The following KLB variants were observed in gnomAD, a reference collection of about 807,000 sequenced individuals.
The protein encoded by KLB is beta-klotho.
In KLB, 44 loss-of-function variants were observed where a neutral mutation model predicts 88.4. The ratio of observed to expected loss-of-function variants is 0.50; its 90% confidence interval spans 0.39 to 0.64. The LOEUF is 0.64. Ranked by LOEUF, KLB falls within the 30% of genes least tolerant of loss-of-function variation. KLB has a pLI of 0.00. For missense variants in KLB, 1,137 were observed against 1,304.8 expected (o/e 0.87, Z 1.98); for synonymous variants, 548 against 513.4 (o/e 1.07, Z -0.91).
intron 1 of KLB, among the ~76,000 whole-genome samples, chr4:39,408,176 G>C (rs2109815753): frequency 6.6e-6 from 1 of 152,214 alleles, no homozygotes; most frequent in East Asian, 1.9e-4. Flanking sequence ...GTTAAGTATA[G>C]CTAACTTAGC....
In KLB at chr4:39,446,412, C is replaced by T; in HGVS notation, c.1686C>T (p.His562=). 5 of 1,614,096 alleles carry T rather than the reference C, an allele frequency of 3.1e-6. No individual in the cohort carries two copies. The highest frequency in any genetic ancestry group is 3.4e-6 in the Non-Finnish European group (4 of 1,180,002). Residue 562 remains histidine, a synonymous_variant, in exon 4 of 5, where the codon CAC becomes CAT. Transcript: ENST00000257408. This position sits in a 1 kb window ranked among gnomAD's most constrained non-coding sequence, Gnocchi z 6.4. ...ACGCCACTGGCAACAGACTGTTGCA[C>T]CGAGTGGAAGGGGTGAGGCTGAAAA... ...VWNATGNRLL[H]RVEGVRLKTR... is the part of the protein sequence containing the mutation.
intron 1 of KLB, among the ~76,000 whole-genome samples, chr4:39,428,979 G>A (rs757867987): frequency 6.6e-6 from 1 of 152,240 alleles, no homozygotes; most frequent in Non-Finnish European, 1.5e-5. Context: ...AAAGTGCTGG[G>A]ATTACAGGCA....
At chr4:39,428,990 T>C (rs1263682654) in intron 1 of KLB, among the ~76,000 whole-genome samples, 1 of 152,220 alleles carries the variant, frequency 6.6e-6, no homozygotes, top group African/African-American at 2.4e-5. Flanking sequence ...ATTACAGGCA[T>C]GAGCCATGGC....
At chr4:39,419,842 G>C (rs1021961596) in intron 1 of KLB, among the ~76,000 whole-genome samples, 4 of 149,484 alleles carry the variant, frequency 2.7e-5, no homozygotes, top group Non-Finnish European at 3.0e-5. Context: ...TGCTTAGGGG[G>C]CTAAAGCAGG....
intron 1 of KLB, among the ~76,000 whole-genome samples, chr4:39,418,001 C>T (rs1743000576): frequency 6.6e-6 from 1 of 152,160 alleles, no homozygotes; most frequent in African/African-American, 2.4e-5. Flanking sequence ...GCTTCAAAAC[C>T]CATGTCCATC....
intron 1 of KLB, among the ~76,000 whole-genome samples, chr4:39,414,361 T>C (rs529512198): frequency 6.6e-6 from 1 of 151,952 alleles, no homozygotes; most frequent in South Asian, 2.1e-4. Context: ...TATTTAATCA[T>C]CAACATGATT....
rs1742841952 is a variant in KLB, at chr4:39,411,357, T to TG, written c.825+3584dup. 2.2e-4 allele frequency among the ~76,000 whole-genome samples: 27 copies of TG among 120,136 alleles called. No homozygotes were observed. In the South Asian group the frequency reaches 7.1e-3, roughly 31 times the overall value. The allele number at this position is 120,136 out of a possible 152,430, so 78.8% of individuals were successfully genotyped here. A position where few individuals can be genotyped will look rare whatever the true frequency, so the allele number is the denominator to read the frequency against. On this transcript the variant is annotated intron_variant, in intron 1 of 4. Transcript: ENST00000257408. ...TTTTGATTTTTTTTTTTTTTTTTTT[T>TG]GAGACGGAGTCTTGCTCTGTCGCCC...
chr4:39,442,241 C>CAAA (rs547196892), intron 3 of KLB, among the ~76,000 whole-genome samples: 4 of 138,842 alleles, frequency 2.9e-5, no homozygotes, highest in African/African-American at 1.0e-4. Flanking sequence ...GACCCTGTCT[C>CAAA]AAAAAAAAAA....
intron 2 of KLB, among the ~76,000 whole-genome samples, chr4:39,436,702 TTC>T (rs1251522483): frequency 6.6e-6 from 1 of 151,036 alleles, no homozygotes; most frequent in Non-Finnish European, 1.5e-5. Context: ...TGATTTTCTT[TTC>T]TCTTTTTTGT....
At chr4:39,431,088 TGTA>T (rs1233017303) in intron 1 of KLB, among the ~76,000 whole-genome samples, 9 of 94,222 alleles carry the variant, frequency 9.6e-5, no homozygotes, top group Non-Finnish European at 1.9e-4. Flanking sequence ...GGCTAATTTT[TGTA>T]TTTTTTTTTT....
chr4:39,417,243 C>T (rs1742984655), intron 1 of KLB, among the ~76,000 whole-genome samples: 1 of 151,848 alleles, frequency 6.6e-6, no homozygotes, highest in Non-Finnish European at 1.5e-5. Context: ...TTAAAACAAA[C>T]AACAAAACCT....
chr4:39,434,692 GAAGA>G lies in KLB; in HGVS notation c.1310_1313del (p.Lys437IlefsTer10). 2 of 1,613,330 alleles carry G rather than the reference GAAGA, an allele frequency of 1.2e-6. No individual in the cohort carries two copies. The highest frequency in any genetic ancestry group is 2.2e-5 in the South Asian group (2 of 90,878). On this transcript the variant is annotated frameshift_variant, in exon 2 of 5. Transcript: ENST00000257408. LOFTEE classifies it high-confidence loss of function. ...AAGACACCACGGCCATCTACATGATGAAGAATTTCCTCAGCCAGGTGCTTCAAGG... is the reference window on the plus strand; with the variant it reads ...AAGACACCACGGCCATCTACATGATGATTTCCTCAGCCAGGTGCTTCAAGG...
intron 4 of KLB, 30 bp downstream of exon 4, chr4:39,447,505 C>T: frequency 6.7e-7 from 1 of 1,496,932 alleles, no homozygotes; most frequent in Non-Finnish European, 8.9e-7. Flanking sequence ...AGACACAGGG[C>T]AGAGCGAGAT....
At chr4:39,413,273 T>A (rs1351627833) in intron 1 of KLB, among the ~76,000 whole-genome samples, 2 of 152,214 alleles carry the variant, frequency 1.3e-5, no homozygotes, top group Admixed American at 1.3e-4. Flanking sequence ...TATTTTTAAA[T>A]CAATAAATAC....
intron 3 of KLB, among the ~76,000 whole-genome samples, chr4:39,444,539 G>A (rs915320186): frequency 6.6e-5 from 10 of 152,140 alleles, no homozygotes; most frequent in Admixed American, 5.9e-4. Context: ...TGGGAGCTGG[G>A]GTTGGGATTG....
At chr4:39,411,606 G>A (rs777693900) in intron 1 of KLB, among the ~76,000 whole-genome samples, 98 of 150,874 alleles carry the variant, frequency 6.5e-4, no homozygotes, top group Admixed American at 1.3e-3. Flanking sequence ...TGCAACCTCC[G>A]CCTCCCGGAT....
chr4:39,447,716 C>T (rs1743790573), intron 4 of KLB, among the ~76,000 whole-genome samples: 1 of 152,122 alleles, frequency 6.6e-6, no homozygotes, highest in African/African-American at 2.4e-5. Flanking sequence ...AAAAAATCAC[C>T]TGAAATCTCA....
chr4:39,420,475 A>G (rs1364990765), intron 1 of KLB, among the ~76,000 whole-genome samples: 1 of 152,130 alleles, frequency 6.6e-6, no homozygotes, highest in Non-Finnish European at 1.5e-5. Flanking sequence ...CTGAAGAGTG[A>G]TAGCATAGAA....
intron 1 of KLB, among the ~76,000 whole-genome samples, chr4:39,428,488 A>G (rs1429347176): frequency 6.6e-6 from 1 of 152,154 alleles, no homozygotes; most frequent in Non-Finnish European, 1.5e-5. Context: ...CATTAATGAA[A>G]GGCAATGATT....
Sources: gnomAD v4.1 joint callset for allele counts (sites outside exome capture counted in the v4.1 genomes callset) on GRCh38, gnomAD v4.1.1 for gene constraint, Gnocchi (gnomAD v3.1) non-coding constraint, MANE v1.5 for transcripts, NCBI Gene and HGNC (gene_info 2026-07-23, HGNC 2026-07-21) for gene names.